Variants in KIF13A observed in about 807,000 individuals in gnomAD.
KIF13A encodes the protein kinesin family member 13A.
A neutral mutation model predicts 212.2 loss-of-function variants in KIF13A; 79 were observed. That is an observed-to-expected ratio of 0.37 (90% CI 0.31 to 0.45). KIF13A has a LOEUF of 0.45. KIF13A is among the 20% of genes least tolerant of loss of function. The probability of loss-of-function intolerance (pLI) is 1.00; values close to 1 mark genes in which losing one functional copy is unlikely to be tolerated. For missense variants in KIF13A, 1,901 were observed against 2,209.0 expected (o/e 0.86, Z 2.79); for synonymous variants, 789 against 808.6 (o/e 0.98, Z 0.41).
chr6:17,977,179 G>C (rs1488955114), intron 2 of KIF13A, among the ~76,000 whole-genome samples: 1 of 147,014 alleles, frequency 6.8e-6, no homozygotes, highest in East Asian at 2.0e-4. Context: ...TACCAAATCA[G>C]AACATGTCAG....
At chr6:17,793,029 T>A (rs1426099888) in intron 25 of KIF13A, among the ~76,000 whole-genome samples, 1 of 152,086 alleles carries the variant, frequency 6.6e-6, no homozygotes, top group Non-Finnish European at 1.5e-5. Flanking sequence ...GGTAGTAAAC[T>A]GGGGACTCAA....
chr6:17,938,926 C>T (rs1429218773), intron 2 of KIF13A, among the ~76,000 whole-genome samples: 1 of 151,692 alleles, frequency 6.6e-6, no homozygotes, highest in Non-Finnish European at 1.5e-5. Context: ...ATTTAGCCAA[C>T]CAATCTCATG....
intron 11 of KIF13A, among the ~76,000 whole-genome samples, chr6:17,835,195 CAAAAAAAAAAAAAAAAAAAAAAAA>C (rs61697144): frequency 3.3e-4 from 15 of 45,948 alleles, no homozygotes; most frequent in East Asian, 2.9e-3. Context: ...CCGCCCCCGC[CAAAAAAAAAAAAAAAAAAAAAAAA>C]AAAAAAAAAA....
In KIF13A at chr6:17,794,459, G is replaced by A; in HGVS notation, c.3076-64C>T. On this transcript the variant is annotated intron_variant, in intron 24 of 38. Transcript: ENST00000259711. The surrounding 1 kb of genome is among the most constrained non-coding windows in gnomAD (Gnocchi z 4.1). The stretch of plus-strand genomic sequence containing the variant: ...TAATGAAAAGGAACGGGATAAAGAA[G>A]GGGAAAAGGATTAGAGAATAAAGAT... The A allele has an allele frequency of 1.3e-6, 2 of 1,572,210 alleles. No individual in the cohort carries two copies. Among genetic ancestry groups the A allele is most frequent in the East Asian group, 2.3e-5 (1 of 44,440 alleles).
At chr6:17,949,122 C>T (rs2064186) in intron 2 of KIF13A, among the ~76,000 whole-genome samples, 87,858 of 151,972 alleles carry the variant, frequency 0.58, 25,524 homozygotes, top group Non-Finnish European at 0.61. Context: ...TAAAACTCGC[C>T]GACCACTATA....
rs112643215 is a variant in KIF13A at position 17,853,086 on chromosome 6, A to G, written c.495-1044T>C. Reference sequence around the variant, plus strand: ...AGAGTCATTGCTTAGCATCACCAATATATGGGAAAAAGGAGCTAAGAAGCA... The same window carrying G: ...AGAGTCATTGCTTAGCATCACCAATGTATGGGAAAAAGGAGCTAAGAAGCA... On this transcript the variant is annotated intron_variant, in intron 6 of 38. Transcript: ENST00000259711. Among the ~76,000 whole-genome samples, 553 of 152,342 alleles carry G rather than the reference A, an allele frequency of 3.6e-3. 4 individuals carry two copies. The highest frequency in any genetic ancestry group is 0.013 in the African/African-American group (523 of 41,572).
rs193005352 is a variant in KIF13A, at chr6:17,858,381, T to C, written c.221-2259A>G. 3.3e-5 allele frequency among the ~76,000 whole-genome samples: 5 copies of C among 152,314 alleles called. No homozygotes were observed. In the East Asian group the frequency reaches 9.6e-4, roughly 29 times the overall value. The stretch of plus-strand genomic sequence containing the variant: ...CTTAAGATCTGTATGCAAATACGTG[T>C]ATATTCAGAGAAGAATAAGGTATAA... On this transcript the variant is annotated intron_variant, in intron 4 of 38. Transcript: ENST00000259711.
rs1766140761 is a variant in KIF13A at position 17,838,045 on chromosome 6, G to C, written c.831-462C>G. Among the ~76,000 whole-genome samples the C allele has an allele frequency of 2.0e-5, 3 of 152,120 alleles. No homozygotes were observed. In the South Asian group the frequency reaches 6.2e-4, roughly 32 times the overall value. On this transcript the variant is annotated intron_variant, in intron 9 of 38. Coordinates refer to ENST00000259711, the MANE Select transcript of KIF13A (RefSeq NM_022113.6). This position sits in a 1 kb window ranked among gnomAD's most constrained non-coding sequence, Gnocchi z 4.2. ...TAAAAAGTTAAATGCAGCTGGGAGT[G>C]GTGGCTCACACCTGTAATCCCAGCA...
intron 2 of KIF13A, among the ~76,000 whole-genome samples, chr6:17,920,264 G>A (rs1774937622): frequency 6.6e-6 from 1 of 152,048 alleles, no homozygotes; most frequent in African/African-American, 2.4e-5. Flanking sequence ...AAAATACAAG[G>A]TAAATTAGCA....
chr6:17,929,725 G>T (rs1157730703), intron 2 of KIF13A, among the ~76,000 whole-genome samples: 1 of 152,054 alleles, frequency 6.6e-6, no homozygotes, highest in East Asian at 1.9e-4. Flanking sequence ...TTTGGTGGGA[G>T]GGAAGACAGG....
chr6:17,826,564 AAG>A lies in KIF13A; in HGVS notation c.1533-442_1533-441del, dbSNP rs779171233. Among the ~76,000 whole-genome samples, 4 of 152,170 alleles carry A rather than the reference AAG, an allele frequency of 2.6e-5. No homozygotes were observed. Among genetic ancestry groups the A allele is most frequent in the Non-Finnish European group, 5.9e-5 (4 of 68,034 alleles). On this transcript the variant is annotated intron_variant, in intron 14 of 38. Transcript: ENST00000259711. The surrounding 1 kb of genome is among the most constrained non-coding windows in gnomAD (Gnocchi z 4.7). ...CTTCAACAAATAAAATGCAAGGAAGAAGAGAGAGAGGCAGAGAGAGACAGGGA... is the reference window on the plus strand; with the variant it reads ...CTTCAACAAATAAAATGCAAGGAAGAAGAGAGAGGCAGAGAGAGACAGGGA...
At chr6:17,778,894 T>C (rs896061620) in intron 33 of KIF13A, 53 bp downstream of exon 33, 50 of 1,541,076 alleles carry the variant, frequency 3.2e-5, no homozygotes, top group African/African-American at 1.5e-4. Flanking sequence ...TATCTGTCCA[T>C]TGGGGGTGAA....
At position 17,976,225 on chromosome 6, in the gene KIF13A, G is replaced by A. The variant is rs185740511; in HGVS notation, c.146+10829C>T. On this transcript the variant is annotated intron_variant, in intron 2 of 38. Coordinates refer to ENST00000259711, the MANE Select transcript of KIF13A (RefSeq NM_022113.6). ...TTGGGTGGTCGATGGGACTGGGCGC[G>A]GTGGAGAAGGGGCCGGCGCTCGTCA... 2.2e-3 allele frequency among the ~76,000 whole-genome samples: 335 copies of A among 152,322 alleles called. 1 individual carries two copies. The highest frequency in any genetic ancestry group is 7.5e-3 in the African/African-American group (313 of 41,584).
chr6:17,778,891 C>T, intron 33 of KIF13A, 56 bp downstream of exon 33: 1 of 1,536,124 alleles, frequency 6.5e-7, no homozygotes, highest in South Asian at 1.2e-5. Flanking sequence ...TCATATCTGT[C>T]CATTGGGGGT....
rs186613216 is a variant in KIF13A, at chr6:17,910,649, A to G, written c.147-12469T>C. Among the ~76,000 whole-genome samples the G allele has an allele frequency of 3.5e-3, 526 of 152,384 alleles. 2 individuals carry two copies. The highest frequency in any genetic ancestry group is 5.6e-3 in the Non-Finnish European group (382 of 68,036). ...TTTTGTCAAAAATGTTGTCTGCAAT[A>G]AAGATGTGCCAACTTTATAACAGAA... On this transcript the variant is annotated intron_variant, in intron 2 of 38. Coordinates refer to ENST00000259711, the MANE Select transcript of KIF13A (RefSeq NM_022113.6).
chr6:17,916,264 G>C (rs571489245), intron 2 of KIF13A, among the ~76,000 whole-genome samples: 1 of 152,264 alleles, frequency 6.6e-6, no homozygotes, highest in South Asian at 2.1e-4. Flanking sequence ...AGCAGTCAAG[G>C]GGGGATCCAA....
At position 17,987,358 on chromosome 6, in the gene KIF13A, G is replaced by GC. The variant is rs1459151208; in HGVS notation, c.55+50dup. 3.2e-6 allele frequency: 4 copies of GC among 1,231,676 alleles called. No individual in the cohort carries two copies. In the Admixed American group the frequency reaches 1.1e-4, roughly 34 times the overall value. The allele number at this position is 1,231,676 out of a possible 1,614,324, so 76.3% of individuals were successfully genotyped here. A position where few individuals can be genotyped will look rare whatever the true frequency, so the allele number is the denominator to read the frequency against. Reference sequence around the variant, plus strand: ...TCCCGGCCCCGCAGTTTCTAAAGTTGCCCCCGCCCTCAGCCCGAGCAGAAA... The same window carrying GC: ...TCCCGGCCCCGCAGTTTCTAAAGTTGCCCCCCGCCCTCAGCCCGAGCAGAAA... On this transcript the variant is annotated intron_variant, in intron 1 of 38. Transcript: ENST00000259711. This position sits in a 1 kb window ranked among gnomAD's most constrained non-coding sequence, Gnocchi z 7.7.
intron 4 of KIF13A, among the ~76,000 whole-genome samples, chr6:17,861,961 C>T (rs1256314874): frequency 1.3e-5 from 2 of 152,092 alleles, no homozygotes; most frequent in Non-Finnish European, 2.9e-5. Flanking sequence ...TCCTTTTTCA[C>T]CCCCAAATTA....
chr6:17,851,964 A>G lies in KIF13A; in HGVS notation c.573T>C (p.Thr191=). Residue 191 remains threonine (T), a synonymous_variant, in exon 7 of 39, where the codon ACT becomes ACC. Transcript: ENST00000259711. ...AAAAAAAATGACTTACCTCAAAACT[A>G]GTGACAGCTAGTTGAGATAAACCAT... ...YVDGLSQLAV[T]SFEDIESLMS... The G allele has an allele frequency of 6.6e-7, 1 of 1,511,476 alleles. No homozygotes were observed. Among genetic ancestry groups the G allele is most frequent in the Admixed American group, 2.5e-5 (1 of 40,754 alleles). 93.6% of individuals were successfully genotyped at this position (1,511,476 alleles called of 1,614,324 possible).
Sources: allele counts gnomAD v4.1 joint callset (sites outside exome capture counted in the v4.1 genomes callset), GRCh38; gene constraint gnomAD v4.1.1; non-coding constraint Gnocchi (gnomAD v3.1); transcripts MANE v1.5; gene names NCBI Gene and HGNC (gene_info 2026-07-23, HGNC 2026-07-21).